The following DLGAP2 variants were observed in gnomAD, a reference collection of about 807,000 sequenced individuals.
DLGAP2 encodes the protein disks large-associated protein 2.
In DLGAP2, 26 loss-of-function variants were observed where a neutral mutation model predicts 100.3. That is an observed-to-expected ratio of 0.26 (90% CI 0.19 to 0.36). The LOEUF is 0.36. Among genes scored for constraint, DLGAP2 ranks in the 10% least tolerant of loss-of-function variants. The probability of loss-of-function intolerance (pLI) is 1.00; values close to 1 mark genes in which losing one functional copy is unlikely to be tolerated. For missense variants in DLGAP2, 1,858 were observed against 1,453.2 expected (o/e 1.28, Z -4.53); for synonymous variants, 886 against 630.1 (o/e 1.41, Z -6.08).
rs143472714 is a variant in DLGAP2, at chr8:1,410,140, G to C, written c.107-91226G>C. On this transcript the variant is annotated intron_variant, in intron 3 of 14. Transcript: ENST00000637795. ...GACACCAAGTGCCCAAGGGGAAGGG[G>C]AGGTTTCAAAACATGCCCTCGATCT... Among the ~76,000 whole-genome samples the C allele has an allele frequency of 6.9e-3, 1,057 of 152,270 alleles. 10 individuals are homozygous for C. The highest frequency in any genetic ancestry group is 0.024 in the African/African-American group (997 of 41,548).
At chr8:821,122 C>T (rs1796576055) in intron 1 of DLGAP2, among the ~76,000 whole-genome samples, 1 of 152,146 alleles carries the variant, frequency 6.6e-6, no homozygotes, top group South Asian at 2.1e-4. Context: ...CAATAAAAGT[C>T]AGCTAATTTT....
chr8:770,192 G>T (rs999180569), intron 1 of DLGAP2, among the ~76,000 whole-genome samples: 1 of 152,118 alleles, frequency 6.6e-6, no homozygotes, highest in Non-Finnish European at 1.5e-5. Context: ...GCTACAATTT[G>T]CCTGGAGTTG....
rs1441667605 is a variant in DLGAP2, at chr8:1,220,485, G to A, written c.74-38366G>A. 2.0e-5 allele frequency among the ~76,000 whole-genome samples: 3 copies of A among 152,012 alleles called. No individual in the cohort carries two copies. The South Asian group carries it at 6.2e-4, about 32-fold the overall frequency. On this transcript the variant is annotated intron_variant, in intron 2 of 14. Coordinates refer to ENST00000637795, the MANE Select transcript of DLGAP2 (RefSeq NM_001346810.2). ...CCAAGAGTGTGCTTGGTATGATTTG[G>A]GTTTATTTCAATTTGTTGAGAATGG...
At chr8:1,157,881 G>A (rs1276647507) in intron 2 of DLGAP2, among the ~76,000 whole-genome samples, 1 of 152,210 alleles carries the variant, frequency 6.6e-6, no homozygotes, top group Non-Finnish European at 1.5e-5. Flanking sequence ...TGCTGCCGGT[G>A]TTCCGTCTTG....
At chr8:1,176,250 G>A (rs1397424890) in intron 2 of DLGAP2, among the ~76,000 whole-genome samples, 1 of 152,136 alleles carries the variant, frequency 6.6e-6, no homozygotes, top group Non-Finnish European at 1.5e-5. Flanking sequence ...CAGACCTCGT[G>A]AGAATTCCCT....
At chr8:881,360 C>T (rs1040963437) in intron 1 of DLGAP2, among the ~76,000 whole-genome samples, 1 of 152,154 alleles carries the variant, frequency 6.6e-6, no homozygotes, top group African/African-American at 2.4e-5. Context: ...ATCTCTATCT[C>T]TGTAAATAGA....
At chr8:889,886 C>G (rs892323765) in intron 1 of DLGAP2, among the ~76,000 whole-genome samples, 5 of 152,206 alleles carry the variant, frequency 3.3e-5, no homozygotes, top group African/African-American at 1.2e-4. Context: ...GCCCCAGTGG[C>G]GTGAGTTTGC....
At chr8:1,547,189 A>C (rs1801571617) in intron 4 of DLGAP2, among the ~76,000 whole-genome samples, 1 of 152,160 alleles carries the variant, frequency 6.6e-6, no homozygotes, top group South Asian at 2.1e-4. Flanking sequence ...GAGGCTCGGC[A>C]GCTCCTCTGG....
chr8:943,441 C>G (rs913983959), intron 2 of DLGAP2, among the ~76,000 whole-genome samples: 1 of 152,256 alleles, frequency 6.6e-6, no homozygotes, highest in Non-Finnish European at 1.5e-5. Context: ...GGTGGCTGCT[C>G]TGTGGGAAAG....
chr8:1,057,345 A>G (rs1802913479), intron 2 of DLGAP2, among the ~76,000 whole-genome samples: 1 of 152,240 alleles, frequency 6.6e-6, no homozygotes. Flanking sequence ...TTAACACAGG[A>G]AAATTTGAAT....
In DLGAP2 at chr8:1,194,267, G is replaced by A. The variant is rs540801538; in HGVS notation, c.74-64584G>A. The stretch of plus-strand genomic sequence containing the variant: ...GGCAAGTTGGAAACACAGGCTCTGC[G>A]ATTTTGAGAGTGAACCTGCAAGAGA... On this transcript the variant is annotated intron_variant, in intron 2 of 14. Coordinates refer to ENST00000637795, the MANE Select transcript of DLGAP2 (RefSeq NM_001346810.2). Among the ~76,000 whole-genome samples the A allele has an allele frequency of 4.6e-5, 7 of 152,250 alleles. No homozygotes were observed. The East Asian group carries it at 9.7e-4, about 21-fold the overall frequency.
At chr8:1,675,335 AC>A (rs367908999) in intron 10 of DLGAP2, among the ~76,000 whole-genome samples, 1 of 151,832 alleles carries the variant, frequency 6.6e-6, no homozygotes, top group Non-Finnish European at 1.5e-5. Flanking sequence ...TGAGCAAGTC[AC>A]CCCCCTCCTC....
chr8:862,373 G>C (rs1231881011), intron 1 of DLGAP2, among the ~76,000 whole-genome samples: 1 of 150,726 alleles, frequency 6.6e-6, no homozygotes, highest in East Asian at 2.0e-4. Context: ...CATAATCTCA[G>C]CTCACTGCGG....
At chr8:1,307,390 G>A (rs1443505724) in intron 3 of DLGAP2, among the ~76,000 whole-genome samples, 2 of 152,198 alleles carry the variant, frequency 1.3e-5, no homozygotes, top group African/African-American at 4.8e-5. Flanking sequence ...CAAGGATGTG[G>A]AGAAGTTAGA....
At chr8:999,960 A>G (rs901181273) in intron 2 of DLGAP2, among the ~76,000 whole-genome samples, 57 of 140,886 alleles carry the variant, frequency 4.0e-4, no homozygotes, top group South Asian at 1.4e-3. Flanking sequence ...TCTCTAGAGC[A>G]GACAGATCCG....
At chr8:1,076,649 C>T (rs1281868788) in intron 2 of DLGAP2, among the ~76,000 whole-genome samples, 2 of 152,200 alleles carry the variant, frequency 1.3e-5, no homozygotes, top group Non-Finnish European at 2.9e-5. Context: ...CAGCAGTTGG[C>T]AGAGTTTTAG....
intron 4 of DLGAP2, among the ~76,000 whole-genome samples, chr8:1,522,476 G>T (rs1294460437): frequency 6.6e-6 from 1 of 152,228 alleles, no homozygotes; most frequent in Non-Finnish European, 1.5e-5. Flanking sequence ...AGGCCAGTCA[G>T]AGCCTCACGC....
At chr8:1,306,180 CTG>C (rs1800486447) in intron 3 of DLGAP2, among the ~76,000 whole-genome samples, 1 of 150,376 alleles carries the variant, frequency 6.6e-6, no homozygotes, top group South Asian at 2.1e-4. Context: ...ATGTAGAAAA[CTG>C]TGAAGATTCC....
chr8:1,191,387 G>A (rs1054692686), intron 2 of DLGAP2, among the ~76,000 whole-genome samples: 4 of 152,096 alleles, frequency 2.6e-5, no homozygotes, highest in South Asian at 2.1e-4. Context: ...AGCCAGGATG[G>A]TCTTGATCTC....
Sources: gnomAD v4.1 joint callset for allele counts (sites outside exome capture counted in the v4.1 genomes callset) on GRCh38, gnomAD v4.1.1 for gene constraint, MANE v1.5 for transcripts, NCBI Gene and HGNC (gene_info 2026-07-23, HGNC 2026-07-21) for gene names.